The following GPC6 variants were observed in gnomAD, a reference collection of about 807,000 sequenced individuals.
GPC6 encodes glypican-6.
Under a neutral mutation model 55.2 loss-of-function variants are expected in GPC6, and 14 were observed. The ratio of observed to expected loss-of-function variants is 0.25; its 90% confidence interval spans 0.17 to 0.40. GPC6 has a LOEUF of 0.40. Ranked by LOEUF, GPC6 falls within the 10% of genes least tolerant of loss-of-function variation. The pLI, the probability that GPC6 is intolerant of heterozygous loss-of-function variation, is 1.00. For missense variants in GPC6, 641 were observed against 708.5 expected (o/e 0.90, Z 1.08); for synonymous variants, 278 against 259.6 (o/e 1.07, Z -0.68).
chr13:93,317,971 A>C (rs1196772420), intron 1 of GPC6, among the ~76,000 whole-genome samples: 2 of 152,188 alleles, frequency 1.3e-5, no homozygotes, highest in Non-Finnish European at 2.9e-5. Context: ...GCTTTTTGTC[A>C]TACTCATGTC....
At chr13:93,828,162 G>T (rs1011863535) in intron 2 of GPC6, among the ~76,000 whole-genome samples, 2 of 152,064 alleles carry the variant, frequency 1.3e-5, no homozygotes, top group African/African-American at 4.8e-5. Flanking sequence ...GAAGATAAAT[G>T]AATAGGCTGC....
intron 4 of GPC6, among the ~76,000 whole-genome samples, chr13:94,258,239 T>A (rs1176652555): frequency 6.6e-6 from 1 of 152,216 alleles, no homozygotes; most frequent in Non-Finnish European, 1.5e-5. Context: ...CCGCAGAGGA[T>A]TGACTGCATT....
At chr13:94,221,618 C>A (rs1413633860) in intron 4 of GPC6, among the ~76,000 whole-genome samples, 1 of 152,066 alleles carries the variant, frequency 6.6e-6, no homozygotes, top group Admixed American at 6.6e-5. Context: ...TTACACTAAC[C>A]TCATATGACA....
intron 3 of GPC6, among the ~76,000 whole-genome samples, chr13:93,956,900 T>C (rs1269336641): frequency 2.0e-5 from 3 of 152,206 alleles, no homozygotes; most frequent in Admixed American, 1.3e-4. Context: ...TCAGAATGAC[T>C]CGTCTAGAAT....
intron 4 of GPC6, among the ~76,000 whole-genome samples, chr13:94,258,456 G>T (rs1443055756): frequency 6.6e-6 from 1 of 152,184 alleles, no homozygotes; most frequent in Non-Finnish European, 1.5e-5. Flanking sequence ...ACCAAAAGAA[G>T]ACTCTGGGTT....
chr13:94,289,391 A>ATTTT (rs1874818969), intron 5 of GPC6, among the ~76,000 whole-genome samples: 1 of 152,160 alleles, frequency 6.6e-6, no homozygotes, highest in Non-Finnish European at 1.5e-5. Context: ...TTAAAACTAA[A>ATTTT]AGAGCTCCTT....
chr13:93,708,304 T>C (rs1882928767), intron 2 of GPC6, among the ~76,000 whole-genome samples: 1 of 151,826 alleles, frequency 6.6e-6, no homozygotes, highest in East Asian at 1.9e-4. Context: ...TTCAATGTAC[T>C]GGCATATCTT....
intron 4 of GPC6, among the ~76,000 whole-genome samples, chr13:94,139,918 G>T (rs1419864754): frequency 2.6e-5 from 4 of 152,008 alleles, no homozygotes. Context: ...AAGAGCTACT[G>T]ATTTTTTCTA....
At chr13:93,993,331 C>T (rs9516327) in intron 3 of GPC6, among the ~76,000 whole-genome samples, 18,591 of 145,790 alleles carry the variant, frequency 0.13, 1,389 homozygotes, top group East Asian at 0.26. Flanking sequence ...CTTGCTCTGT[C>T]GCCCAGGCTG....
At chr13:93,947,664 A>G (rs553825956) in intron 3 of GPC6, among the ~76,000 whole-genome samples, 1 of 152,276 alleles carries the variant, frequency 6.6e-6, no homozygotes, top group African/African-American at 2.4e-5. Context: ...AAAGACATAT[A>G]TGGGAATTAA....
Position 93,359,410 on chromosome 13 carries a change from T to A in GPC6, c.160+131794T>A, listed in dbSNP as rs142932511. On this transcript the variant is annotated intron_variant, in intron 1 of 8. Coordinates refer to ENST00000377047, the MANE Select transcript of GPC6 (RefSeq NM_005708.5). Reference sequence around the variant, plus strand: ...TTACTCAACTTCCTCATCTGTAAAATGGGATAATCGTACATTCTGTGCCTG... The same window carrying A: ...TTACTCAACTTCCTCATCTGTAAAAAGGGATAATCGTACATTCTGTGCCTG... 1.3e-4 allele frequency among the ~76,000 whole-genome samples: 20 copies of A among 152,288 alleles called. No homozygotes were observed. In the East Asian group the frequency reaches 3.9e-3, roughly 29 times the overall value.
chr13:94,386,170 T>C (rs1219505054), intron 7 of GPC6, among the ~76,000 whole-genome samples: 4 of 151,752 alleles, frequency 2.6e-5, no homozygotes, highest in Non-Finnish European at 1.5e-5. Flanking sequence ...CCATCCTGGC[T>C]AACATGGTGA....
intron 1 of GPC6, among the ~76,000 whole-genome samples, chr13:93,294,490 C>G (rs986166786): frequency 6.6e-6 from 1 of 152,168 alleles, no homozygotes; most frequent in Non-Finnish European, 1.5e-5. Flanking sequence ...CTCCCTTTCC[C>G]TCAGGAAGTA....
intron 1 of GPC6, among the ~76,000 whole-genome samples, chr13:93,301,966 C>A (rs1343073689): frequency 6.6e-6 from 1 of 152,114 alleles, no homozygotes; most frequent in Admixed American, 6.6e-5. Flanking sequence ...AATTTTAATA[C>A]CCCTACAAAG....
At position 93,227,177 on chromosome 13, in the gene GPC6, C is replaced by T. The variant is rs941154416; in HGVS notation, c.-280C>T. 5.9e-6 allele frequency: 2 copies of T among 338,048 alleles called. No homozygotes were observed. Among genetic ancestry groups the T allele is most frequent in the Admixed American group, 4.6e-5 (1 of 21,642 alleles). The allele number at this position is 338,048 out of a possible 1,614,324, so 20.9% of individuals were successfully genotyped here. Reference sequence around the variant, plus strand: ...TTTAAACACTTCTTTTCCTTCTCTTCCTCGTTTTGATTGCACCGTTTCCAT... The same window carrying T: ...TTTAAACACTTCTTTTCCTTCTCTTTCTCGTTTTGATTGCACCGTTTCCAT... On this transcript the variant is annotated 5_prime_UTR_variant, in exon 1 of 9. Transcript: ENST00000377047. This position sits in a 1 kb window ranked among gnomAD's most constrained non-coding sequence, Gnocchi z 4.3.
intron 2 of GPC6, among the ~76,000 whole-genome samples, chr13:93,765,308 T>TTCCAGATAAGCTGTCTGAAAAGACA: frequency 6.7e-6 from 1 of 148,686 alleles, no homozygotes; most frequent in Non-Finnish European, 1.5e-5. Flanking sequence ...AAAGACAACT[T>TTCCAGATAAGCTGTCTGAAAAGACA]ATTTGGTTTA....
chr13:93,977,276 A>G (rs549624543), intron 3 of GPC6, among the ~76,000 whole-genome samples: 1 of 152,306 alleles, frequency 6.6e-6, no homozygotes, highest in South Asian at 2.1e-4. Context: ...GTTCAAATTC[A>G]TTGCTGCATT....
At chr13:93,218,296 A>G in the GPC6 span, among the ~76,000 whole-genome samples, 3 of 152,306 alleles carry the variant, frequency 2.0e-5, no homozygotes, top group African/African-American at 7.2e-5. Context: ...ATATTCTTCA[A>G]GTAAAAAACA....
intron 1 of GPC6, among the ~76,000 whole-genome samples, chr13:93,439,327 G>A (rs550636689): frequency 6.6e-6 from 1 of 152,252 alleles, no homozygotes; most frequent in African/African-American, 2.4e-5. Flanking sequence ...GGGACCCAGT[G>A]GGAGGTATCT....
Sources: gnomAD v4.1 joint callset for allele counts (sites outside exome capture counted in the v4.1 genomes callset) on GRCh38, gnomAD v4.1.1 for gene constraint, Gnocchi (gnomAD v3.1) non-coding constraint, MANE v1.5 for transcripts, NCBI Gene and HGNC (gene_info 2026-07-23, HGNC 2026-07-21) for gene names.